Variants in TRIM2 observed in about 807,000 individuals in gnomAD.
The protein encoded by TRIM2 is tripartite motif containing 2, also known as tripartite motif-containing protein 2.
In TRIM2, 20 loss-of-function variants were observed where a neutral mutation model predicts 75.2. The ratio of observed to expected loss-of-function variants is 0.27; its 90% CI spans 0.19 to 0.39. The LOEUF (loss-of-function observed/expected upper bound fraction) is 0.39. TRIM2 is among the 10% of genes least tolerant of loss of function. TRIM2 has a pLI of 1.00. For synonymous variants in TRIM2, 373 were observed against 388.3 expected, an observed-to-expected ratio of 0.96 and a Z score of 0.46; for missense variants, 660 against 990.8, an observed-to-expected ratio of 0.67 and a Z score of 4.48.
chr4:153,298,758 G>T (rs1437746656), intron 6 of TRIM2, among the ~76,000 whole-genome samples: 1 of 152,078 alleles, frequency 6.6e-6, no homozygotes, highest in Non-Finnish European at 1.5e-5. Flanking sequence ...TATTGAAACA[G>T]GGCCTTGCTC....
At chr4:153,219,843 C>T (rs1015957047) in intron 1 of TRIM2, among the ~76,000 whole-genome samples, 2 of 151,834 alleles carry the variant, frequency 1.3e-5, no homozygotes, top group African/African-American at 2.4e-5. Context: ...ACCCTAGCTT[C>T]GGTGACAGAG....
At chr4:153,175,018 T>C (rs1249538421) in intron 1 of TRIM2, among the ~76,000 whole-genome samples, 1 of 30,908 alleles carries the variant, frequency 3.2e-5, no homozygotes, top group African/African-American at 1.1e-4. Flanking sequence ...TTTTGTTTTG[T>C]TTTTTTTTGA....
intron 1 of TRIM2, among the ~76,000 whole-genome samples, chr4:153,245,233 C>T (rs921745304): frequency 4.6e-5 from 7 of 152,202 alleles, no homozygotes; most frequent in African/African-American, 1.7e-4. Flanking sequence ...GTTCTGTTTA[C>T]TTACTTATCT....
At chr4:153,226,151 T>C (rs1193267865) in intron 1 of TRIM2, among the ~76,000 whole-genome samples, 1 of 152,176 alleles carries the variant, frequency 6.6e-6, no homozygotes, top group Non-Finnish European at 1.5e-5. Flanking sequence ...AATTATAGGC[T>C]CGAGCCACTG....
At chr4:153,187,543 CAG>C (rs1375028974) in intron 1 of TRIM2, among the ~76,000 whole-genome samples, 1 of 152,126 alleles carries the variant, frequency 6.6e-6, no homozygotes, top group African/African-American at 2.4e-5. Context: ...TGGATAAGAG[CAG>C]AGAGAGAGGA....
Position 153,336,492 on chromosome 4 carries a change from A to G in TRIM2, c.*1526A>G, listed in dbSNP as rs1360959014. The G allele has an allele frequency of 1.0e-6, 1 of 985,694 alleles. No homozygotes were observed. The highest frequency in any genetic ancestry group is 1.7e-5 in the African/African-American group (1 of 57,224). The allele number at this position is 985,694 out of a possible 1,614,324, so 61.1% of individuals were successfully genotyped here. On this transcript the variant is annotated 3_prime_UTR_variant, in exon 12 of 12. Transcript: ENST00000338700. ...CAATTTAGTCAATCGTTCATCTGTCATTGGTACTGTAAAATAAGCTGTGGT... is the reference window on the plus strand; with the variant it reads ...CAATTTAGTCAATCGTTCATCTGTCGTTGGTACTGTAAAATAAGCTGTGGT...
chr4:153,249,607 TCGGCCACCTCCCTGCTCCCGCCC>T (rs1442309846), intron 1 of TRIM2, among the ~76,000 whole-genome samples: 7 of 150,516 alleles, frequency 4.7e-5, no homozygotes, highest in African/African-American at 1.0e-4. Flanking sequence ...TGCTCCCGCC[TCGGCCACCTCCCTGCTCCCGCCC>T]CGGCCCTGGG....
intron 1 of TRIM2, among the ~76,000 whole-genome samples, chr4:153,225,513 G>A (rs1395215760): frequency 1.1e-4 from 16 of 152,176 alleles, no homozygotes; most frequent in Admixed American, 1.0e-3. Flanking sequence ...TTACATTTTA[G>A]ACCTTCAGCC....
chr4:153,189,140 C>T (rs960825027), intron 1 of TRIM2, among the ~76,000 whole-genome samples: 6 of 152,206 alleles, frequency 3.9e-5, no homozygotes, highest in Non-Finnish European at 5.9e-5. Context: ...CATGAGTCAC[C>T]GCACCGGCCT....
intron 1 of TRIM2, among the ~76,000 whole-genome samples, chr4:153,252,219 G>T (rs184502967): frequency 1.3e-5 from 2 of 152,110 alleles, no homozygotes; most frequent in Admixed American, 1.3e-4. Flanking sequence ...TCTTCTAGTT[G>T]GTTATATCTA....
chr4:153,281,956 G>C (rs778879626), intron 3 of TRIM2, among the ~76,000 whole-genome samples: 2 of 152,224 alleles, frequency 1.3e-5, no homozygotes, highest in Non-Finnish European at 2.9e-5. Flanking sequence ...CCACTAACAA[G>C]TTTCCACTTC....
intron 1 of TRIM2, among the ~76,000 whole-genome samples, chr4:153,171,161 T>C (rs1359287194): frequency 1.3e-5 from 2 of 152,204 alleles, no homozygotes; most frequent in Non-Finnish European, 2.9e-5. Context: ...GCGTTTTCCA[T>C]GCCCAGGTGG....
Position 153,295,291 on chromosome 4 carries a change from C to A in TRIM2, c.787-22C>A. On this transcript the variant is annotated intron_variant, in intron 5 of 11. Coordinates refer to ENST00000338700, the MANE Select transcript of TRIM2 (RefSeq NM_015271.5). This position sits in a 1 kb window ranked among gnomAD's most constrained non-coding sequence, Gnocchi z 7.2. ...GCCCCGCCCTGTGGGACGAGCTCAC[C>A]AGGCCTCCGGTTTTCCCGCAGGTCC... 1 of 1,555,988 alleles carries A rather than the reference C, an allele frequency of 6.4e-7. No homozygotes were observed. Among genetic ancestry groups the A allele is most frequent in the South Asian group, 1.2e-5 (1 of 80,256 alleles).
At chr4:153,304,543 T>C (rs145934562) in intron 6 of TRIM2, among the ~76,000 whole-genome samples, 13 of 152,232 alleles carry the variant, frequency 8.5e-5, no homozygotes, top group African/African-American at 3.1e-4. Context: ...CTGAGTAGTT[T>C]GAGGAACTGT....
At chr4:153,304,608 G>A (rs77663653) in intron 6 of TRIM2, among the ~76,000 whole-genome samples, 111 of 152,208 alleles carry the variant, frequency 7.3e-4, no homozygotes, top group Admixed American at 1.5e-3. Flanking sequence ...GCAGAGAGGA[G>A]GTTGTTTCCT....
chr4:153,176,986 G>C (rs947329026), intron 1 of TRIM2, among the ~76,000 whole-genome samples: 30 of 152,344 alleles, frequency 2.0e-4, no homozygotes, highest in African/African-American at 6.5e-4. Context: ...TTAATCAAGA[G>C]TGAGGTTTAC....
chr4:153,178,964 T>A (rs1397637814), intron 1 of TRIM2, among the ~76,000 whole-genome samples: 1 of 152,170 alleles, frequency 6.6e-6, no homozygotes, highest in Non-Finnish European at 1.5e-5. Context: ...GGTAGGAGGA[T>A]GGCTTGAGCT....
chr4:153,294,616 T>C (rs748767773), intron 5 of TRIM2, 131 bp downstream of exon 5: 180 of 958,948 alleles, frequency 1.9e-4, no homozygotes, highest in Middle Eastern at 9.6e-4. Flanking sequence ...TTTCACTGAA[T>C]GTAATATCCA....
At chr4:153,280,915 A>G (rs2150082753) in intron 3 of TRIM2, among the ~76,000 whole-genome samples, 1 of 151,786 alleles carries the variant, frequency 6.6e-6, no homozygotes, top group Admixed American at 6.6e-5. Context: ...CGATCTCCTG[A>G]CCTCGTGATC....
Sources: gnomAD v4.1 joint callset for allele counts (sites outside exome capture counted in the v4.1 genomes callset) on GRCh38, gnomAD v4.1.1 for gene constraint, Gnocchi (gnomAD v3.1) non-coding constraint, MANE v1.5 for transcripts, NCBI Gene and HGNC (gene_info 2026-07-23, HGNC 2026-07-21) for gene names.